P3H2: variants seen among roughly 807,000 people sequenced by gnomAD.
P3H2 encodes leprecan-like 1.
In P3H2, 80 loss-of-function variants were observed where a neutral mutation model predicts 87.0. The ratio of observed to expected loss-of-function variants is 0.92; its 90% CI spans 0.77 to 1.11. The LOEUF is 1.11. Ranked by LOEUF, P3H2 falls within the 50% of genes least tolerant of loss-of-function variation. P3H2 has a pLI of 0.00. For missense variants in P3H2, 1,001 were observed against 923.9 expected, an observed-to-expected ratio of 1.08 and a Z score of -1.08; for synonymous variants, 367 against 359.3, an observed-to-expected ratio of 1.02 and a Z score of -0.24.
At chr3:190,004,467 C>G (rs551971859) in intron 1 of P3H2, among the ~76,000 whole-genome samples, 1 of 152,070 alleles carries the variant, frequency 6.6e-6, no homozygotes. Context: ...ACTGCAAGCT[C>G]CGCCTCCCGG....
chr3:189,990,899 G>A (rs1723857202), intron 3 of P3H2, among the ~76,000 whole-genome samples: 1 of 152,176 alleles, frequency 6.6e-6, no homozygotes, highest in Non-Finnish European at 1.5e-5. Context: ...ACATGCTGTG[G>A]TGACCTTGAG....
At chr3:190,011,204 C>T (rs1433343560) in intron 1 of P3H2, among the ~76,000 whole-genome samples, 3 of 149,542 alleles carry the variant, frequency 2.0e-5, no homozygotes, top group Admixed American at 6.7e-5. Context: ...ACCCAGGAGG[C>T]GGAGCTTGCA....
chr3:190,102,513 T>C (rs1711666367), intron 1 of P3H2, among the ~76,000 whole-genome samples: 1 of 152,162 alleles, frequency 6.6e-6, no homozygotes, highest in Non-Finnish European at 1.5e-5. Flanking sequence ...GCAAGAGAAC[T>C]AAAATAAAAA....
intron 13 of P3H2, chr3:189,969,446 G>A (rs2108906642): frequency 1.2e-6 from 1 of 855,150 alleles, no homozygotes; most frequent in Non-Finnish European, 2.0e-6. Context: ...GGCCCCCATT[G>A]GAATATGGCA....
At chr3:190,049,183 G>A (rs778072146) in intron 1 of P3H2, among the ~76,000 whole-genome samples, 1 of 152,184 alleles carries the variant, frequency 6.6e-6, no homozygotes, top group Non-Finnish European at 1.5e-5. Flanking sequence ...TCTCGAAGGT[G>A]TGATAAAAAG....
At chr3:189,964,266 C>A in intron 13 of P3H2, 168 bp from the exon 14 acceptor site, 1 of 704,094 alleles carries the variant, frequency 1.4e-6, no homozygotes, top group Non-Finnish European at 2.5e-6. Context: ...ACCCGTAAAA[C>A]AAAGGTAAGG....
chr3:190,024,870 CACATGATCATA>C (rs1162424166), intron 1 of P3H2, among the ~76,000 whole-genome samples: 4 of 152,216 alleles, frequency 2.6e-5, no homozygotes, highest in Non-Finnish European at 4.4e-5. Context: ...AATTTACCTA[CACATGATCATA>C]AATGGAAACC....
At chr3:189,983,288 T>G (rs773693803) in intron 7 of P3H2, 148 bp from the exon 8 acceptor site, 21 of 636,366 alleles carry the variant, frequency 3.3e-5, no homozygotes, top group Non-Finnish European at 5.2e-5. Flanking sequence ...AAATTAAATG[T>G]CACTGCCTCT....
Position 190,043,978 on chromosome 3 carries a change from A to G in P3H2, c.481-48536T>C, listed in dbSNP as rs902933592. ...GGGAGATGTCAAAACAAAACAACAG[A>G]ACTGTATTGCTTTCCTGAACTTCCA... On this transcript the variant is annotated intron_variant, in intron 1 of 14. Transcript: ENST00000319332. Among the ~76,000 whole-genome samples, 4 of 152,304 alleles carry G rather than the reference A, an allele frequency of 2.6e-5. No individual in the cohort carries two copies. In the South Asian group the frequency reaches 8.3e-4, roughly 32 times the overall value.
intron 1 of P3H2, among the ~76,000 whole-genome samples, chr3:189,996,515 G>A (rs1027193757): frequency 3.9e-5 from 6 of 152,192 alleles, no homozygotes; most frequent in Non-Finnish European, 8.8e-5. Flanking sequence ...TATAGTTAAA[G>A]AAGAAGAATA....
intron 10 of P3H2, among the ~76,000 whole-genome samples, chr3:189,973,499 CTTTCTTTCTTTCTTT>C (rs1193758407): frequency 7.2e-5 from 3 of 41,450 alleles, no homozygotes; most frequent in African/African-American, 2.0e-4. Context: ...TTTTTTCTTT[CTTTCTTTCTTTCTTT>C]TTTTTTTTTT....
In P3H2 at chr3:189,957,700, A is replaced by AAGAGAGAGAGAGAGAG. The variant is rs3062112; in HGVS notation, c.*196_*211dup. Reference sequence around the variant, plus strand: ...AACATGGTTAGACCATGTCTCTAAGAAGAGAGAGAGAGAGAGAGAGAGAGA... The same window carrying AAGAGAGAGAGAGAGAG: ...AACATGGTTAGACCATGTCTCTAAGAAGAGAGAGAGAGAGAGAGAGAGAGAGAGAGAGAGAGAGAGA... On this transcript the variant is annotated 3_prime_UTR_variant, in exon 15 of 15. Coordinates refer to ENST00000319332, the MANE Select transcript of P3H2 (RefSeq NM_018192.4). 1.8e-5 allele frequency: 10 copies of AAGAGAGAGAGAGAGAG among 543,284 alleles called. No individual in the cohort carries two copies. Among genetic ancestry groups the AAGAGAGAGAGAGAGAG allele is most frequent in the Non-Finnish European group, 2.6e-5 (8 of 305,702 alleles). The allele number at this position is 543,284 out of a possible 1,614,324, so 33.7% of individuals were successfully genotyped here. A position where few individuals can be genotyped will look rare whatever the true frequency, so the allele number is the denominator to read the frequency against.
At chr3:190,115,380 A>G (rs536859562) in intron 1 of P3H2, among the ~76,000 whole-genome samples, 87 of 150,962 alleles carry the variant, frequency 5.8e-4, no homozygotes, top group South Asian at 3.5e-3. Context: ...ATGAATAAAT[A>G]AACAGCATTT....
intron 1 of P3H2, among the ~76,000 whole-genome samples, chr3:190,041,319 T>C (rs546619280): frequency 4.7e-4 from 68 of 144,792 alleles, no homozygotes; most frequent in Non-Finnish European, 8.6e-4. Context: ...TGTGTTTACA[T>C]AAGTTCTTCA....
intron 1 of P3H2, among the ~76,000 whole-genome samples, chr3:190,117,082 C>T (rs377502530): frequency 4.2e-4 from 64 of 152,324 alleles, no homozygotes; most frequent in African/African-American, 1.3e-3. Context: ...GGAAAGCTAT[C>T]GGAATCAGTT....
intron 1 of P3H2, among the ~76,000 whole-genome samples, chr3:190,068,658 A>T (rs1726593653): frequency 6.6e-6 from 1 of 152,116 alleles, no homozygotes; most frequent in Non-Finnish European, 1.5e-5. Flanking sequence ...TCATTCCTGG[A>T]TGAAGGTGGA....
chr3:190,071,497 T>C (rs1726696365), intron 1 of P3H2, among the ~76,000 whole-genome samples: 1 of 152,192 alleles, frequency 6.6e-6, no homozygotes. Context: ...CTATAAACAG[T>C]AGCAGAAAAG....
At chr3:190,028,168 A>G (rs1725141731) in intron 1 of P3H2, among the ~76,000 whole-genome samples, 1 of 152,170 alleles carries the variant, frequency 6.6e-6, no homozygotes, top group South Asian at 2.1e-4. Context: ...AAAATTTCAC[A>G]GTACTATGCC....
At chr3:190,102,176 C>T (rs1346697905) in intron 1 of P3H2, among the ~76,000 whole-genome samples, 2 of 152,168 alleles carry the variant, frequency 1.3e-5, no homozygotes, top group African/African-American at 4.8e-5. Flanking sequence ...ACGTCGTTTT[C>T]CTGCTTACTA....
Sources: gnomAD v4.1 joint callset for allele counts (sites outside exome capture counted in the v4.1 genomes callset) on GRCh38, gnomAD v4.1.1 for gene constraint, MANE v1.5 for transcripts, NCBI Gene and HGNC (gene_info 2026-07-23, HGNC 2026-07-21) for gene names.